LONP1: variants seen among roughly 807,000 people sequenced by gnomAD.
LONP1 encodes the protein lon peptidase 1, mitochondrial.
In LONP1, 31 loss-of-function variants were observed where a neutral mutation model predicts 98.5. The observed-to-expected ratio is 0.31, with a 90% CI of 0.24 to 0.42. The LOEUF is 0.42. Among genes scored for constraint, LONP1 ranks in the 20% least tolerant of loss-of-function variants. The pLI is 1.00. For missense variants in LONP1, 1,336 were observed against 1,350.6 expected, an observed-to-expected ratio of 0.99 and a Z score of 0.17; for synonymous variants, 781 against 594.7, an observed-to-expected ratio of 1.31 and a Z score of -4.56.
intron 11 of LONP1, 91 bp downstream of exon 11, chr19:5,696,579 T>G: frequency 7.2e-7 from 1 of 1,396,018 alleles, no homozygotes; most frequent in Non-Finnish European, 9.9e-7. Context: ...GCCCCTGAGT[T>G]GGCTCGGGGA....
chr19:5,711,457 G>A (rs1260883051), intron 4 of LONP1, among the ~76,000 whole-genome samples: 1 of 152,236 alleles, frequency 6.6e-6, no homozygotes, highest in Non-Finnish European at 1.5e-5. Context: ...GGGCTGGAAG[G>A]TGTCTTGGTA....
At chr19:5,706,457 A>G (rs574216703) in intron 7 of LONP1, among the ~76,000 whole-genome samples, 1 of 152,156 alleles carries the variant, frequency 6.6e-6, no homozygotes, top group African/African-American at 2.4e-5. Flanking sequence ...AAAATACAAA[A>G]ATTAGCCGGT....
chr19:5,699,143 G>A lies in LONP1; in HGVS notation c.1569C>T (p.Gly523=), dbSNP rs377584372. 9.0e-6 allele frequency: 14 copies of A among 1,558,882 alleles called. No individual in the cohort carries two copies. In the South Asian group the frequency reaches 1.4e-4, roughly 15 times the overall value. Residue 523 remains glycine (G), a synonymous_variant, in exon 10 of 18, where the codon GGC becomes GGT. Transcript: ENST00000360614. ...TGCTGGTCTTACCCACGCCAGGGGG[G>A]CCATAGAAGCAGAGGATCTTGCCCT... ...STQGKILCFY[G]PPGVGKTSIA... is the part of the protein sequence containing the mutation.
intron 1 of LONP1, among the ~76,000 whole-genome samples, chr19:5,715,833 T>G (rs1347785471): frequency 6.6e-6 from 1 of 151,816 alleles, no homozygotes; most frequent in Admixed American, 6.6e-5. Context: ...ATTTTTGTAT[T>G]ATTAGTAGAG....
chr19:5,692,008 C>CCCAGACAGGGCCTGACATCCGT lies in LONP1; in HGVS notation c.*23_*24insACGGATGTCAGGCCCTGTCTGG, dbSNP rs2054832003. On this transcript the variant is annotated 3_prime_UTR_variant, in exon 18 of 18. Transcript: ENST00000360614. ...TGGCCCAGACAGGGCCTGACATCCGCCGCCTGCAGTCCCGGGGTGGCCGTC... is the reference window on the plus strand; with the variant it reads ...TGGCCCAGACAGGGCCTGACATCCGCCCAGACAGGGCCTGACATCCGTCGCCTGCAGTCCCGGGGTGGCCGTC... 4 of 983,986 alleles carry CCCAGACAGGGCCTGACATCCGT rather than the reference C, an allele frequency of 4.1e-6. No individual in the cohort carries two copies. The highest frequency in any genetic ancestry group is 5.9e-6 in the Non-Finnish European group (4 of 678,252). 61.0% of individuals were successfully genotyped at this position (983,986 alleles called of 1,614,324 possible).
At chr19:5,706,346 C>T (rs895356281) in intron 7 of LONP1, among the ~76,000 whole-genome samples, 3 of 152,144 alleles carry the variant, frequency 2.0e-5, no homozygotes, top group Admixed American at 2.0e-4. Context: ...CGGTGGCTCA[C>T]GCCTGTAATC....
chr19:5,697,134 C>G (rs1039919556), intron 10 of LONP1, among the ~76,000 whole-genome samples: 1 of 152,154 alleles, frequency 6.6e-6, no homozygotes, highest in Non-Finnish European at 1.5e-5. Context: ...CCAGCACTGG[C>G]TCTCAGGAGG....
In LONP1 at chr19:5,694,491, G is replaced by C. The variant is rs373843783; in HGVS notation, c.2216C>G (p.Pro739Arg). The C allele has an allele frequency of 1.2e-6, 2 of 1,613,184 alleles. No homozygotes were observed. The highest frequency in any genetic ancestry group is 1.3e-5 in the African/African-American group (1 of 74,910). The change falls in exon 15 of 18, where the codon CCC becomes CGC. Residue 739 changes from proline to arginine, a missense_variant. Pro to Arg is a moderately radical substitution (Grantham distance 103). This residue lies in a region of LONP1 where 555 missense variants were observed against 542.6 expected (regional missense o/e 1.02). Coordinates refer to ENST00000360614, the MANE Select transcript of LONP1 (RefSeq NM_004793.4). ...CCCCACGAAGTCCTGCAGGTTCTCGGGCGTCACCTCCACGGACTCGGCCTC... is the reference window on the plus strand; with the variant it reads ...CCCCACGAAGTCCTGCAGGTTCTCGCGCGTCACCTCCACGGACTCGGCCTC... The part of the protein sequence containing the change: ...SGEAESVEVT[P>R]ENLQDFVGKP...
At chr19:5,716,337 C>A (rs571789741) in intron 1 of LONP1, among the ~76,000 whole-genome samples, 2 of 129,008 alleles carry the variant, frequency 1.6e-5, no homozygotes. Flanking sequence ...ACCAGGATGA[C>A]CTGAAGGACT....
chr19:5,719,976 C>T lies in LONP1; in HGVS notation c.157G>A (p.Ala53Thr). The T allele has an allele frequency of 6.3e-7, 1 of 1,582,954 alleles. No individual in the cohort carries two copies. The highest frequency in any genetic ancestry group is 1.1e-5 in the South Asian group (1 of 87,036). ...ATTGCCGGGCCTCGGCCCCACAGTGCCCAAGGAGGAGAGGCGTCGCAGGTC... is the reference window on the plus strand; with the variant it reads ...ATTGCCGGGCCTCGGCCCCACAGTGTCCAAGGAGGAGAGGCGTCGCAGGTC... ...QRTCDASPPW[A>T]LWGRGPAIGG... The change falls in exon 1 of 18, where the codon GCA becomes ACA. Residue 53 changes from alanine to threonine, a missense_variant. By Grantham distance (58) the Ala-to-Thr change is moderately conservative. Coordinates refer to ENST00000360614, the MANE Select transcript of LONP1 (RefSeq NM_004793.4).
rs2055138997 is a variant in LONP1, at chr19:5,705,988, T to G, written c.1151A>C (p.Glu384Ala). ...KLQQRLGREV[E>A]EKIKQTHRKY... ...ACGGTGGGTCTGCTTGATCTTCTCC[T>G]CCACCTGTGGGGTGAGGTGCTGCCA... Residue 384 changes from glutamate to alanine, a missense_variant, in exon 8 of 18, where the codon GAG becomes GCG. Glu to Ala is a moderately radical substitution (Grantham distance 107, BLOSUM62 -1). Transcript: ENST00000360614. 1.9e-6 allele frequency: 3 copies of G among 1,586,508 alleles called. No individual in the cohort carries two copies. The highest frequency in any genetic ancestry group is 1.3e-5 in the African/African-American group (1 of 74,094).
chr19:5,701,263 G>A (rs866185477), intron 8 of LONP1, among the ~76,000 whole-genome samples: 4 of 152,222 alleles, frequency 2.6e-5, no homozygotes, highest in Non-Finnish European at 4.4e-5. Context: ...GGCTAGCACG[G>A]TGAAACCCTG....
intron 8 of LONP1, among the ~76,000 whole-genome samples, chr19:5,704,822 G>A (rs1907058209): frequency 6.6e-6 from 1 of 152,242 alleles, no homozygotes; most frequent in African/African-American, 2.4e-5. Context: ...GAAGCCAGGG[G>A]TAGCCTTGCA....
At chr19:5,703,950 TGG>T (rs1302176672) in intron 8 of LONP1, among the ~76,000 whole-genome samples, 2 of 152,166 alleles carry the variant, frequency 1.3e-5, no homozygotes, top group Non-Finnish European at 2.9e-5. Context: ...AGGCACTCGC[TGG>T]GAGACAGAAG....
At chr19:5,700,729 A>T (rs2055025022) in intron 9 of LONP1, 60 bp downstream of exon 9, 1 of 1,602,538 alleles carries the variant, frequency 6.2e-7, no homozygotes, top group East Asian at 2.2e-5. Flanking sequence ...CACAGCACAC[A>T]AGAGTCCTGG....
In LONP1 at chr19:5,691,990, G is replaced by GACAGGGCCTGACATCCAGTTCTGGCCCAA; in HGVS notation, c.*41_*42insTTGGGCCAGAACTGGATGTCAGGCCCTGT. 6.3e-7 allele frequency: 1 copy of GACAGGGCCTGACATCCAGTTCTGGCCCAA among 1,588,800 alleles called. No individual in the cohort carries two copies. Among genetic ancestry groups the GACAGGGCCTGACATCCAGTTCTGGCCCAA allele is most frequent in the Non-Finnish European group, 8.6e-7 (1 of 1,166,594 alleles). ...CCCCACAGCGCTCAGTTCTGGCCCA[G>GACAGGGCCTGACATCCAGTTCTGGCCCAA]ACAGGGCCTGACATCCGCCGCCTGC... On this transcript the variant is annotated 3_prime_UTR_variant, in exon 18 of 18. Coordinates refer to ENST00000360614, the MANE Select transcript of LONP1 (RefSeq NM_004793.4).
At chr19:5,699,500 C>T (rs1374055833) in intron 9 of LONP1, among the ~76,000 whole-genome samples, 2 of 151,994 alleles carry the variant, frequency 1.3e-5, no homozygotes, top group East Asian at 3.9e-4. Flanking sequence ...ACCGCAAATG[C>T]TCCACTCTCT....
At chr19:5,711,726 G>A (rs771859117) in intron 4 of LONP1, 45 bp downstream of exon 4, 11 of 1,527,074 alleles carry the variant, frequency 7.2e-6, no homozygotes, top group Middle Eastern at 1.7e-4. Flanking sequence ...AAGGGAGCCC[G>A]TGGGGGAGGC....
At chr19:5,714,146 A>C in intron 2 of LONP1, 37 bp downstream of exon 2, 1 of 1,514,792 alleles carries the variant, frequency 6.6e-7, no homozygotes, top group Non-Finnish European at 9.1e-7. Flanking sequence ...ACTCTAGGGC[A>C]CCGTCAACAA....
Sources: allele counts gnomAD v4.1 joint callset (sites outside exome capture counted in the v4.1 genomes callset), GRCh38; gene constraint gnomAD v4.1.1; regional missense constraint gnomAD v4.1.1; transcripts MANE v1.5; gene names NCBI Gene and HGNC (gene_info 2026-07-23, HGNC 2026-07-21).